Variants in SMARCB1 observed in about 807,000 individuals in gnomAD.
SMARCB1 encodes SWI/SNF related BAF chromatin remodeling complex subunit B1, also known as SWI/SNF-related matrix-associated actin-dependent regulator of chromatin subfamily B member 1.
SMARCB1 carries 5 observed loss-of-function variants against 49.0 expected under a neutral mutation model. That is an observed-to-expected ratio of 0.10 (90% CI 0.05 to 0.21). The LOEUF is 0.21. Among genes scored for constraint, SMARCB1 ranks in the 10% least tolerant of loss-of-function variants. The pLI is 1.00. For missense variants in SMARCB1, 226 were observed against 509.2 expected, an observed-to-expected ratio of 0.44 and a Z score of 5.35; for synonymous variants, 201 against 200.1, an observed-to-expected ratio of 1.00 and a Z score of -0.04.
At chr22:23,797,022 C>T (rs916360452) in intron 3 of SMARCB1, among the ~76,000 whole-genome samples, 5 of 139,480 alleles carry the variant, frequency 3.6e-5, no homozygotes, top group Admixed American at 2.9e-4. Context: ...TTTTTTGAGA[C>T]GGAGTCTCGC....
At chr22:23,795,254 T>C (rs1928666515) in intron 3 of SMARCB1, among the ~76,000 whole-genome samples, 1 of 152,206 alleles carries the variant, frequency 6.6e-6, no homozygotes, top group East Asian at 1.9e-4. Context: ...CTGAGCAACA[T>C]AGTGAGACGT....
intron 2 of SMARCB1, 93 bp from the exon 3 acceptor site, chr22:23,793,466 C>A: frequency 2.2e-6 from 3 of 1,336,536 alleles, no homozygotes; most frequent in Non-Finnish European, 3.2e-6. Flanking sequence ...CCACCTCCCG[C>A]ATGCGAGGAC....
intron 4 of SMARCB1, chr22:23,801,463 C>T: frequency 1.9e-6 from 1 of 520,442 alleles, no homozygotes; most frequent in Non-Finnish European, 3.7e-6. Flanking sequence ...TGGAGTAAAC[C>T]ACCACAAACT....
chr22:23,836,566 G>A lies in SMARCB1; in HGVS notation c.*2386G>A. The A allele has an allele frequency of 5.4e-6, 6 of 1,111,456 alleles. No homozygotes were observed. The highest frequency in any genetic ancestry group is 6.6e-6 in the Non-Finnish European group (6 of 912,544). The allele number at this position is 1,111,456 out of a possible 1,614,324, so 68.8% of individuals were successfully genotyped here. A position where few individuals can be genotyped will look rare whatever the true frequency, so the allele number is the denominator to read the frequency against. On this transcript the variant is annotated 3_prime_UTR_variant, in exon 9 of 9. Transcript: ENST00000644036. ...TCAAAAGCTCTGCCTGGCAACCTGT[G>A]AGCTCAAAGCTCTGCCAGGCAACCA...
intron 3 of SMARCB1, among the ~76,000 whole-genome samples, chr22:23,795,538 C>T (rs889291053): frequency 2.0e-5 from 3 of 151,842 alleles, no homozygotes; most frequent in Non-Finnish European, 4.4e-5. Flanking sequence ...GCCTGTAATC[C>T]CAGCTACTCA....
intron 1 of SMARCB1, 119 bp from the exon 2 acceptor site, chr22:23,791,637 G>A: frequency 1.1e-6 from 1 of 940,308 alleles, no homozygotes; most frequent in Non-Finnish European, 1.7e-6. Context: ...CCGAAAGCGT[G>A]GCGCCTGGGG....
chr22:23,837,124 A>C lies in SMARCB1; in HGVS notation c.*2944A>C, dbSNP rs755702007. 1 of 1,613,972 alleles carries C rather than the reference A, an allele frequency of 6.2e-7. No individual in the cohort carries two copies. Among genetic ancestry groups the C allele is most frequent in the Non-Finnish European group, 8.5e-7 (1 of 1,179,918 alleles). ...AGGCTGGTTGGGGAAGACGTCCTCCAGGAAGTAGTAGATATGGCCCACCGC... is the reference window on the plus strand; with the variant it reads ...AGGCTGGTTGGGGAAGACGTCCTCCCGGAAGTAGTAGATATGGCCCACCGC... On this transcript the variant is annotated 3_prime_UTR_variant, in exon 9 of 9. Coordinates refer to ENST00000644036, the MANE Select transcript of SMARCB1 (RefSeq NM_003073.5).
chr22:23,828,834 A>G (rs567723540), intron 7 of SMARCB1, among the ~76,000 whole-genome samples: 163 of 151,902 alleles, frequency 1.1e-3, no homozygotes, highest in Non-Finnish European at 2.0e-3. Flanking sequence ...GCCACAGGAC[A>G]TGTGTGTGCA....
intron 2 of SMARCB1, chr22:23,792,782 C>CT (rs1928479569): frequency 6.5e-6 from 1 of 154,584 alleles, no homozygotes; most frequent in Admixed American, 6.3e-5. Flanking sequence ...AAACAGTTTC[C>CT]TTTTTGTTCC....
intron 5 of SMARCB1, among the ~76,000 whole-genome samples, chr22:23,809,327 A>G (rs573189497): frequency 6.9e-6 from 1 of 145,292 alleles, no homozygotes; most frequent in Non-Finnish European, 1.5e-5. Context: ...CCCAGGCTGG[A>G]GTGCAATGGC....
intron 1 of SMARCB1, among the ~76,000 whole-genome samples, chr22:23,791,229 C>T (rs1246765430): frequency 6.6e-6 from 1 of 152,200 alleles, no homozygotes; most frequent in Non-Finnish European, 1.5e-5. Context: ...ATTTATATAG[C>T]AGTCTGGTGA....
At chr22:23,816,623 A>C in intron 5 of SMARCB1, 147 bp from the exon 6 acceptor site, 1 of 774,100 alleles carries the variant, frequency 1.3e-6, no homozygotes, top group Non-Finnish European at 2.3e-6. Flanking sequence ...TTCCACTCCC[A>C]GTTTCCAGGA....
In SMARCB1 at chr22:23,837,487, G is replaced by A. The variant is rs2031167921; in HGVS notation, c.*3307G>A. 3 of 717,664 alleles carry A rather than the reference G, an allele frequency of 4.2e-6. No individual in the cohort carries two copies. The highest frequency in any genetic ancestry group is 2.7e-5 in the East Asian group (1 of 36,888). 44.5% of individuals were successfully genotyped at this position (717,664 alleles called of 1,614,324 possible). On this transcript the variant is annotated 3_prime_UTR_variant, in exon 9 of 9. Transcript: ENST00000644036. ...CCTGACGATGCAAATTATGTGGGCC[G>A]GCTGGCTTGAGGGGCTGTAAGAGCA...
At chr22:23,811,280 A>G (rs2145998211) in intron 5 of SMARCB1, among the ~76,000 whole-genome samples, 1 of 152,334 alleles carries the variant, frequency 6.6e-6, no homozygotes, top group East Asian at 1.9e-4. Context: ...CCAAAAGGAG[A>G]AATAAACAAA....
chr22:23,792,809 G>A (rs1401056424), intron 2 of SMARCB1: 1 of 155,584 alleles, frequency 6.4e-6, no homozygotes, highest in Non-Finnish European at 1.4e-5. Context: ...TCCCCTAGCA[G>A]AGCATCAGTC....
At position 23,836,474 on chromosome 22, in the gene SMARCB1, G is replaced by T; in HGVS notation, c.*2294G>T. 1 of 999,726 alleles carries T rather than the reference G, an allele frequency of 1.0e-6. No homozygotes were observed. The allele number at this position is 999,726 out of a possible 1,614,324, so 61.9% of individuals were successfully genotyped here. A position where few individuals can be genotyped will look rare whatever the true frequency, so the allele number is the denominator to read the frequency against. The stretch of plus-strand genomic sequence containing the variant: ...GACTGGCAGGTAGCAGAGGCCTATG[G>T]TGGGCAGGACTTGCCCAAGGCCCTG... On this transcript the variant is annotated 3_prime_UTR_variant, in exon 9 of 9. Coordinates refer to ENST00000644036, the MANE Select transcript of SMARCB1 (RefSeq NM_003073.5).
intron 4 of SMARCB1, chr22:23,801,313 C>T (rs1243651178): frequency 1.4e-6 from 1 of 731,702 alleles, no homozygotes; most frequent in Non-Finnish European, 2.4e-6. Flanking sequence ...ACCTCTCTGG[C>T]CCCTCAAGTG....
chr22:23,795,815 G>GT (rs1275111047), intron 3 of SMARCB1, among the ~76,000 whole-genome samples: 1 of 142,774 alleles, frequency 7.0e-6, no homozygotes, highest in East Asian at 2.1e-4. Context: ...TTGAGATGGA[G>GT]TTTTCACTCT....
At chr22:23,816,504 C>G in intron 5 of SMARCB1, 1 of 594,366 alleles carries the variant, frequency 1.7e-6, no homozygotes, top group Non-Finnish European at 3.0e-6. Flanking sequence ...GCCCACCCAG[C>G]TATGAGTGGA....
Sources: allele counts gnomAD v4.1 joint callset (sites outside exome capture counted in the v4.1 genomes callset), GRCh38; gene constraint gnomAD v4.1.1; transcripts MANE v1.5; gene names NCBI Gene and HGNC (gene_info 2026-07-23, HGNC 2026-07-21).